Variants in HNRNPM observed in about 807,000 individuals in gnomAD.
The protein encoded by HNRNPM is CEA receptor.
Under a neutral mutation model 73.1 loss-of-function variants are expected in HNRNPM, and 11 were observed. The observed-to-expected ratio is 0.15, with a 90% confidence interval of 0.09 to 0.25. HNRNPM has a LOEUF of 0.25. Among genes scored for constraint, HNRNPM ranks in the 10% least tolerant of loss-of-function variants. The probability of loss-of-function intolerance (pLI) is 1.00; values close to 1 mark genes in which losing one functional copy is unlikely to be tolerated. For missense variants in HNRNPM, 789 were observed against 1,067.9 expected (o/e 0.74, Z 3.64); for synonymous variants, 407 against 355.2 (o/e 1.15, Z -1.64).
At chr19:8,480,849 C>T (rs972118370) in intron 12 of HNRNPM, among the ~76,000 whole-genome samples, 2 of 152,116 alleles carry the variant, frequency 1.3e-5, no homozygotes, top group Admixed American at 6.5e-5. Flanking sequence ...CCACAGGAAA[C>T]TGTTCCTGTC....
intron 15 of HNRNPM, 149 bp from the exon 16 acceptor site, chr19:8,488,542 G>GCAGAAGAA (rs1971482780): frequency 1.3e-5 from 8 of 598,926 alleles, no homozygotes; most frequent in Non-Finnish European, 2.3e-5. Flanking sequence ...GAATGGCAGT[G>GCAGAAGAA]TGGCTGAGGG....
intron 12 of HNRNPM, among the ~76,000 whole-genome samples, chr19:8,474,726 T>G (rs1217585376): frequency 6.6e-6 from 1 of 151,732 alleles, no homozygotes; most frequent in Non-Finnish European, 1.5e-5. Context: ...TTTTTTTTTT[T>G]TTTTTTGAGA....
chr19:8,480,696 C>T (rs1970855668), intron 12 of HNRNPM, among the ~76,000 whole-genome samples: 1 of 151,836 alleles, frequency 6.6e-6, no homozygotes, highest in Non-Finnish European at 1.5e-5. Flanking sequence ...ATCTTTACTT[C>T]TGTAGGAACT....
chr19:8,463,553 G>A, intron 4 of HNRNPM, 40 bp from the exon 5 acceptor site: 1 of 1,612,908 alleles, frequency 6.2e-7, no homozygotes, highest in Non-Finnish European at 8.5e-7. Context: ...CTAACTTGTA[G>A]GACTGGTTTC....
intron 1 of HNRNPM, among the ~76,000 whole-genome samples, chr19:8,452,836 C>T (rs1181829765): frequency 6.6e-6 from 1 of 152,094 alleles, no homozygotes; most frequent in Non-Finnish European, 1.5e-5. Context: ...AAAATTTTTC[C>T]AAGTAAATAC....
chr19:8,465,661 T>C, intron 6 of HNRNPM, 146 bp downstream of exon 6: 2 of 648,978 alleles, frequency 3.1e-6, no homozygotes, highest in Non-Finnish European at 5.1e-6. Flanking sequence ...ATCAGCCTTA[T>C]AGGCGGGCTT....
Position 8,462,452 on chromosome 19 carries a change from G to T in HNRNPM, c.284-77G>T. On this transcript the variant is annotated intron_variant, in intron 2 of 15. Transcript: ENST00000325495. The surrounding 1 kb of genome is among the most constrained non-coding windows in gnomAD (Gnocchi z 4.5). Reference sequence around the variant, plus strand: ...GGCAGAGGCTCCATACAAGGTTGCTGATGATTGTTCTAAATTCCCATTGTT... The same window carrying T: ...GGCAGAGGCTCCATACAAGGTTGCTTATGATTGTTCTAAATTCCCATTGTT... 7.9e-7 allele frequency: 1 copy of T among 1,263,340 alleles called. No individual in the cohort carries two copies. The highest frequency in any genetic ancestry group is 1.2e-6 in the Non-Finnish European group (1 of 860,434). The allele number at this position is 1,263,340 out of a possible 1,614,324, so 78.3% of individuals were successfully genotyped here.
chr19:8,480,238 T>C (rs2145734454), intron 12 of HNRNPM, among the ~76,000 whole-genome samples: 1 of 140,310 alleles, frequency 7.1e-6, no homozygotes, highest in South Asian at 2.4e-4. Flanking sequence ...TAGCCGGGCA[T>C]GGTGGCGGGT....
intron 13 of HNRNPM, among the ~76,000 whole-genome samples, chr19:8,484,851 A>G (rs1599854117): frequency 6.6e-6 from 1 of 152,126 alleles, no homozygotes; most frequent in African/African-American, 2.4e-5. Context: ...CAGAGTTGCA[A>G]GCACCACGGG....
chr19:8,476,542 A>T (rs990646687), intron 12 of HNRNPM, among the ~76,000 whole-genome samples: 1 of 145,358 alleles, frequency 6.9e-6, no homozygotes, highest in African/African-American at 2.5e-5. Flanking sequence ...CACACCTGTA[A>T]TCCCAGCGCA....
At chr19:8,482,938 A>G in intron 12 of HNRNPM, 2 of 530,192 alleles carry the variant, frequency 3.8e-6, no homozygotes, top group Non-Finnish European at 6.6e-6. Context: ...GCTGGGCCTC[A>G]GACTCTGGAG....
chr19:8,446,350 A>G (rs1175275460), intron 1 of HNRNPM, among the ~76,000 whole-genome samples: 2 of 152,200 alleles, frequency 1.3e-5, no homozygotes, highest in Non-Finnish European at 1.5e-5. Flanking sequence ...CCTTCCTCAT[A>G]TTGTAATGTG....
rs868640470 is a variant in HNRNPM, at chr19:8,465,621, A to G, written c.630+106A>G. ...CTCACATTTGAGAAGAAAAATGTAA[A>G]GAAGGGTTTTGTTCTTGATTTCTTT... On this transcript the variant is annotated intron_variant, in intron 6 of 15. Transcript: ENST00000325495. The G allele has an allele frequency of 2.6e-5, 22 of 835,648 alleles. No individual in the cohort carries two copies. In the African/African-American group the frequency reaches 3.2e-4, roughly 12 times the overall value. The allele number at this position is 835,648 out of a possible 1,614,324, so 51.8% of individuals were successfully genotyped here. A position where few individuals can be genotyped will look rare whatever the true frequency, so the allele number is the denominator to read the frequency against.
chr19:8,461,083 G>C (rs1022404704), intron 2 of HNRNPM, among the ~76,000 whole-genome samples: 6 of 152,106 alleles, frequency 3.9e-5, no homozygotes, highest in East Asian at 1.9e-4. Context: ...TCATATTTCC[G>C]TTCTTCATTT....
intron 1 of HNRNPM, among the ~76,000 whole-genome samples, chr19:8,451,606 TG>T (rs1384659265): frequency 6.6e-6 from 1 of 152,170 alleles, no homozygotes; most frequent in Non-Finnish European, 1.5e-5. Context: ...GGTGCAATCA[TG>T]GCTTACTGTA....
intron 6 of HNRNPM, 111 bp from the exon 7 acceptor site, chr19:8,466,124 T>A: frequency 9.2e-7 from 1 of 1,081,802 alleles, no homozygotes; most frequent in African/African-American, 1.6e-5. Flanking sequence ...TTTTGTGACA[T>A]TATTTCCTAA....
chr19:8,489,070 T>C lies in HNRNPM; in HGVS notation c.*216T>C. ...TTTTTTTTGTAGTTGTGGCATCTTG[T>C]TGACATCGAATATGACTTTGATAAT... On this transcript the variant is annotated 3_prime_UTR_variant, in exon 16 of 16. Coordinates refer to ENST00000325495, the MANE Select transcript of HNRNPM (RefSeq NM_005968.5). 2.0e-6 allele frequency: 1 copy of C among 497,756 alleles called. No individual in the cohort carries two copies. Among genetic ancestry groups the C allele is most frequent in the Non-Finnish European group, 3.6e-6 (1 of 277,098 alleles). The allele number at this position is 497,756 out of a possible 1,614,324, so 30.8% of individuals were successfully genotyped here.
intron 2 of HNRNPM, among the ~76,000 whole-genome samples, chr19:8,458,187 C>T (rs1001469217): frequency 6.6e-6 from 1 of 152,200 alleles, no homozygotes; most frequent in Non-Finnish European, 1.5e-5. Flanking sequence ...TCCTCTTCCC[C>T]ATCTTTCATA....
Position 8,487,067 on chromosome 19 carries a change from A to T in HNRNPM, c.2021A>T (p.Asn674Ile). ...FTWKMLKDKF[N>I]ECGHVLYADI... Reference sequence around the variant, plus strand: ...TGGAAGATGCTAAAGGACAAATTCAACGAGTGCGGTAAGTGTTGGGAACGG... The same window carrying T: ...TGGAAGATGCTAAAGGACAAATTCATCGAGTGCGGTAAGTGTTGGGAACGG... Residue 674 changes from asparagine to isoleucine, a missense_variant, in exon 15 of 16, where the codon AAC (asparagine) becomes ATC (isoleucine). By Grantham distance (149) the Asn-to-Ile change is moderately radical. This residue lies in a region of HNRNPM where 43 missense variants were observed against 105.8 expected (regional missense o/e 0.41). Coordinates refer to ENST00000325495, the MANE Select transcript of HNRNPM (RefSeq NM_005968.5). 6.2e-7 allele frequency: 1 copy of T among 1,613,362 alleles called. No individual in the cohort carries two copies. Among genetic ancestry groups the T allele is most frequent in the Non-Finnish European group, 8.5e-7 (1 of 1,179,362 alleles).
Sources: allele counts gnomAD v4.1 joint callset (sites outside exome capture counted in the v4.1 genomes callset), GRCh38; gene constraint gnomAD v4.1.1; regional missense constraint gnomAD v4.1.1; non-coding constraint Gnocchi (gnomAD v3.1); transcripts MANE v1.5; gene names NCBI Gene and HGNC (gene_info 2026-07-23, HGNC 2026-07-21).